Variants in DCC observed in about 807,000 individuals in gnomAD.
The protein encoded by DCC is DCC netrin 1 receptor, also known as netrin receptor DCC.
DCC carries 58 observed loss-of-function variants against 172.5 expected under a neutral mutation model. The ratio of observed to expected loss-of-function variants is 0.34; its 90% CI spans 0.27 to 0.42. The LOEUF is 0.42. Ranked by LOEUF, DCC falls within the 10% of genes least tolerant of loss-of-function variation. The probability of loss-of-function intolerance (pLI) is 1.00; values close to 1 mark genes in which losing one functional copy is unlikely to be tolerated. For missense variants in DCC, 1,740 were observed against 1,791.0 expected (o/e 0.97, Z 0.51); for synonymous variants, 709 against 644.5 (o/e 1.10, Z -1.52).
chr18:52,950,470 A>G (rs963018642), intron 5 of DCC, among the ~76,000 whole-genome samples: 1 of 152,250 alleles, frequency 6.6e-6, no homozygotes, highest in African/African-American at 2.4e-5. Context: ...GGCTCTAAAC[A>G]AATTCCTTTG....
chr18:53,513,944 A>C, intron 27 of DCC, among the ~76,000 whole-genome samples: 2 of 151,416 alleles, frequency 1.3e-5, no homozygotes, highest in South Asian at 4.2e-4. Flanking sequence ...AATTGAACTC[A>C]GCTCTGCACC....
chr18:53,008,256 C>T (rs1367429964), intron 5 of DCC, among the ~76,000 whole-genome samples: 1 of 152,028 alleles, frequency 6.6e-6, no homozygotes, highest in African/African-American at 2.4e-5. Flanking sequence ...GCACTTTGCT[C>T]AGTTATTTCG....
chr18:52,504,220 T>C (rs1385541593), intron 1 of DCC, among the ~76,000 whole-genome samples: 2 of 152,172 alleles, frequency 1.3e-5, no homozygotes, highest in African/African-American at 4.8e-5. Flanking sequence ...ATCTGTATCA[T>C]GGTCTTCCCC....
intron 5 of DCC, among the ~76,000 whole-genome samples, chr18:52,990,546 A>C (rs1302768909): frequency 9.0e-5 from 9 of 100,418 alleles, no homozygotes; most frequent in African/African-American, 3.6e-4. Flanking sequence ...ATCCCAAAAA[A>C]AAAAAAAAAA....
intron 2 of DCC, among the ~76,000 whole-genome samples, chr18:52,810,078 CA>C (rs79299397): frequency 7.9e-4 from 113 of 142,446 alleles, no homozygotes; most frequent in Middle Eastern, 3.6e-3. Context: ...TTCTAACAAC[CA>C]AAAAAAAAAA....
rs759007429 is a variant in DCC, at chr18:52,852,866, C to T, written c.413-53178C>T. 1.3e-4 allele frequency among the ~76,000 whole-genome samples: 20 copies of T among 152,208 alleles called. No individual in the cohort carries two copies. The Middle Eastern group carries it at 0.014, about 104-fold the overall frequency. ...TATGGAAATTACATATTTAGTATCT[C>T]ATTTGGTCTACCCAGCTGCAGTATG... On this transcript the variant is annotated intron_variant, in intron 2 of 28. Transcript: ENST00000442544.
chr18:52,732,951 G>T lies in DCC; in HGVS notation c.92-19103G>T, dbSNP rs559806405. ...GAAGATTCATTAGATGTAAATTTTT[G>T]AGAGTATTTTGTATGAGTTAATAAT... On this transcript the variant is annotated intron_variant, in intron 1 of 28. Transcript: ENST00000442544. Among the ~76,000 whole-genome samples, 3 of 152,194 alleles carry T rather than the reference G, an allele frequency of 2.0e-5. No individual in the cohort carries two copies. In the South Asian group the frequency reaches 6.2e-4, roughly 32 times the overall value.
rs1555697203 is a variant in DCC at position 53,022,539 on chromosome 18, A to ACGTG, written c.986-40766_986-40765insCGTG. Among the ~76,000 whole-genome samples, 232 of 117,720 alleles carry ACGTG rather than the reference A, an allele frequency of 2.0e-3. 1 individual carries two copies. The highest frequency in any genetic ancestry group is 6.0e-3 in the African/African-American group (226 of 37,700). 77.2% of individuals were successfully genotyped at this position (117,720 alleles called of 152,430 possible). A position where few individuals can be genotyped will look rare whatever the true frequency, so the allele number is the denominator to read the frequency against. ...TATGTTCAGTATTTTTTATATATAT[A>ACGTG]TGTGCGTGTGTGTGTGTGTGTGTGT... On this transcript the variant is annotated intron_variant, in intron 5 of 28. Coordinates refer to ENST00000442544, the MANE Select transcript of DCC (RefSeq NM_005215.4).
In DCC at chr18:53,428,328, TAATATATTGTA is replaced by T. The variant is rs1568125796; in HGVS notation, c.3164-6815_3164-6805del. On this transcript the variant is annotated intron_variant, in intron 21 of 28. Transcript: ENST00000442544. The stretch of plus-strand genomic sequence containing the variant: ...ATAGAATATAATATATAATATAATA[TAATATATTGTA>T]TATAATATAATATATGTTGTATATA... 5.9e-3 allele frequency among the ~76,000 whole-genome samples: 410 copies of T among 68,994 alleles called. 76 individuals carry two copies. The highest frequency in any genetic ancestry group is 0.036 in the Middle Eastern group (2 of 56). 45.3% of individuals were successfully genotyped at this position (68,994 alleles called of 152,430 possible). A position where few individuals can be genotyped will look rare whatever the true frequency, so the allele number is the denominator to read the frequency against.
intron 1 of DCC, among the ~76,000 whole-genome samples, chr18:52,657,510 C>A (rs1046579962): frequency 1.4e-4 from 22 of 152,144 alleles, no homozygotes; most frequent in Non-Finnish European, 2.8e-4. Flanking sequence ...AGGGCTCCAG[C>A]CATTCTTGTG....
chr18:52,868,240 C>G (rs760477135), intron 2 of DCC, among the ~76,000 whole-genome samples: 1 of 151,900 alleles, frequency 6.6e-6, no homozygotes, highest in African/African-American at 2.4e-5. Flanking sequence ...AGCCTAATAG[C>G]CTTTTCATGG....
intron 5 of DCC, among the ~76,000 whole-genome samples, chr18:53,007,783 A>G (rs961463673): frequency 2.6e-5 from 4 of 152,138 alleles, no homozygotes; most frequent in African/African-American, 9.6e-5. Context: ...GAACATTAAC[A>G]TGAAGTGCTC....
At chr18:52,414,081 CTATT>C (rs560583109) in intron 1 of DCC, among the ~76,000 whole-genome samples, 1 of 151,962 alleles carries the variant, frequency 6.6e-6, no homozygotes, top group Non-Finnish European at 1.5e-5. Flanking sequence ...GTTGAAATGA[CTATT>C]TATTTATTTA....
At chr18:53,406,934 T>C (rs1034001449) in intron 19 of DCC, among the ~76,000 whole-genome samples, 1 of 152,144 alleles carries the variant, frequency 6.6e-6, no homozygotes, top group Non-Finnish European at 1.5e-5. Context: ...GTTTCTATTC[T>C]CCATCTCAGT....
chr18:53,046,413 G>A (rs899081462), intron 5 of DCC, among the ~76,000 whole-genome samples: 1 of 151,452 alleles, frequency 6.6e-6, no homozygotes, highest in South Asian at 2.1e-4. Flanking sequence ...TATGTGAATT[G>A]TTCAAGCTGA....
chr18:53,283,585 T>C (rs892726027), intron 12 of DCC, among the ~76,000 whole-genome samples: 9 of 152,216 alleles, frequency 5.9e-5, no homozygotes, highest in Non-Finnish European at 1.2e-4. Context: ...CTTTATTTTA[T>C]GCTTATTCCA....
In DCC at chr18:53,486,763, G is replaced by A. The variant is rs560359989; in HGVS notation, c.3737-34G>A. Reference sequence around the variant, plus strand: ...TTTGCTTGTTGAGTGAATACATAAGGTTCAAAAAACCCATTAACCTTTTTC... The same window carrying A: ...TTTGCTTGTTGAGTGAATACATAAGATTCAAAAAACCCATTAACCTTTTTC... On this transcript the variant is annotated intron_variant, in intron 25 of 28. Coordinates refer to ENST00000442544, the MANE Select transcript of DCC (RefSeq NM_005215.4). 15 of 1,613,866 alleles carry A rather than the reference G, an allele frequency of 9.3e-6. No homozygotes were observed. In the South Asian group the frequency reaches 1.4e-4, roughly 15 times the overall value.
intron 5 of DCC, among the ~76,000 whole-genome samples, chr18:52,961,053 A>G (rs2040834203): frequency 6.6e-6 from 1 of 152,118 alleles, no homozygotes; most frequent in South Asian, 2.1e-4. Flanking sequence ...TAAAAACTCT[A>G]TGATACAGCA....
chr18:52,363,462 A>G, intron 1 of DCC, among the ~76,000 whole-genome samples: 1 of 152,164 alleles, frequency 6.6e-6, no homozygotes, highest in East Asian at 1.9e-4. Flanking sequence ...AAAGATTCAC[A>G]TTAGTTGTGT....
Sources: gnomAD v4.1 joint callset for allele counts (sites outside exome capture counted in the v4.1 genomes callset) on GRCh38, gnomAD v4.1.1 for gene constraint, MANE v1.5 for transcripts, NCBI Gene and HGNC (gene_info 2026-07-23, HGNC 2026-07-21) for gene names.